The following ZBTB20 variants were observed in gnomAD, a reference collection of about 807,000 sequenced individuals.
ZBTB20 encodes the protein zinc finger and BTB domain-containing protein 20.
In ZBTB20, 9 loss-of-function variants were observed where a neutral mutation model predicts 56.9. The ratio of observed to expected loss-of-function variants is 0.16; its 90% CI spans 0.10 to 0.28. ZBTB20 has a LOEUF of 0.28. Among genes scored for constraint, ZBTB20 ranks in the 10% least tolerant of loss-of-function variants. The pLI is 1.00. For synonymous variants in ZBTB20, 417 were observed against 420.7 expected, an observed-to-expected ratio of 0.99 and a Z score of 0.11; for missense variants, 655 against 1,003.0, an observed-to-expected ratio of 0.65 and a Z score of 4.69.
intron 8 of ZBTB20, among the ~76,000 whole-genome samples, chr3:114,385,698 C>T (rs1248245668): frequency 6.6e-6 from 1 of 152,078 alleles, no homozygotes; most frequent in Non-Finnish European, 1.5e-5. Context: ...GAAATCCTGT[C>T]TCTACCAAAA....
chr3:114,814,513 T>C (rs1400407260), intron 4 of ZBTB20, among the ~76,000 whole-genome samples: 2 of 152,180 alleles, frequency 1.3e-5, no homozygotes, highest in Admixed American at 1.3e-4. Flanking sequence ...GTGGTGACTT[T>C]AGTTTTCTTC....
chr3:114,973,992 C>T (rs2077995480), intron 3 of ZBTB20, among the ~76,000 whole-genome samples: 1 of 150,042 alleles, frequency 6.7e-6, no homozygotes, highest in South Asian at 2.1e-4. Flanking sequence ...TTGTTACTGA[C>T]ATTCTGACTT....
At chr3:114,363,591 A>G (rs2082097041) in intron 10 of ZBTB20, among the ~76,000 whole-genome samples, 1 of 152,194 alleles carries the variant, frequency 6.6e-6, no homozygotes, top group African/African-American at 2.4e-5. Context: ...CTGTAAAACA[A>G]AGGTGTGTAT....
At chr3:114,402,994 G>A (rs1475689756) in intron 7 of ZBTB20, among the ~76,000 whole-genome samples, 1 of 152,002 alleles carries the variant, frequency 6.6e-6, no homozygotes, top group Non-Finnish European at 1.5e-5. Flanking sequence ...CATTTAAAAT[G>A]TAAAAGTGGA....
intron 5 of ZBTB20, among the ~76,000 whole-genome samples, chr3:114,752,178 A>G (rs970784885): frequency 2.6e-5 from 4 of 152,156 alleles, no homozygotes; most frequent in Non-Finnish European, 5.9e-5. Flanking sequence ...TAGAAATCCA[A>G]TAATTTGGTA....
At chr3:115,133,279 T>C (rs1205077511) in intron 1 of ZBTB20, among the ~76,000 whole-genome samples, 1 of 152,194 alleles carries the variant, frequency 6.6e-6, no homozygotes, top group South Asian at 2.1e-4. Flanking sequence ...GTCACACAGC[T>C]ACATTCTTAT....
intron 4 of ZBTB20, among the ~76,000 whole-genome samples, chr3:114,894,126 C>T (rs2074761421): frequency 6.8e-6 from 1 of 146,854 alleles, no homozygotes; most frequent in South Asian, 2.2e-4. Flanking sequence ...CATTTAAAAG[C>T]AGCACGGGAT....
chr3:114,780,556 C>T (rs745963806), intron 5 of ZBTB20, among the ~76,000 whole-genome samples: 10 of 152,228 alleles, frequency 6.6e-5, no homozygotes, highest in South Asian at 2.1e-4. Context: ...GGTGCGATCT[C>T]GGCTCACTGC....
chr3:114,329,021 T>C lies in ZBTB20; in HGVS notation c.*9984A>G, dbSNP rs2079149698. ...TAGAAATATATCTGCTGGAACACTT[T>C]GGAGAACAGATTGGTAATTTTGCCA... On this transcript the variant is annotated 3_prime_UTR_variant, in exon 12 of 12. Transcript: ENST00000675478. 6.6e-6 allele frequency: 1 copy of C among 152,200 alleles called. No homozygotes were observed. The highest frequency in any genetic ancestry group is 1.5e-5 in the Non-Finnish European group (1 of 68,030). 9.4% of individuals were successfully genotyped at this position (152,200 alleles called of 1,614,324 possible). A position where few individuals can be genotyped will look rare whatever the true frequency, so the allele number is the denominator to read the frequency against.
At chr3:114,594,826 T>C (rs1460193114) in intron 6 of ZBTB20, among the ~76,000 whole-genome samples, 1 of 152,164 alleles carries the variant, frequency 6.6e-6, no homozygotes, top group Non-Finnish European at 1.5e-5. Flanking sequence ...TTATGGTTAA[T>C]GCTGTGTATG....
chr3:114,570,034 A>G (rs754696937), intron 6 of ZBTB20, among the ~76,000 whole-genome samples: 43 of 137,490 alleles, frequency 3.1e-4, no homozygotes, highest in Non-Finnish European at 6.3e-4. Flanking sequence ...AAATATATGC[A>G]TTCAATTACG....
intron 7 of ZBTB20, among the ~76,000 whole-genome samples, chr3:114,394,138 C>T (rs1022815053): frequency 6.6e-6 from 1 of 152,194 alleles, no homozygotes; most frequent in African/African-American, 2.4e-5. Context: ...TTATCAGGGA[C>T]TGCACCAGGC....
intron 7 of ZBTB20, among the ~76,000 whole-genome samples, chr3:114,454,175 GGAGAGA>G (rs71146322): frequency 0.51 from 58,936 of 116,502 alleles, 15,003 homozygotes; most frequent in Non-Finnish European, 0.59. Context: ...AAAAGAGAAG[GGAGAGA>G]GAGAGAGAGA....
intron 6 of ZBTB20, among the ~76,000 whole-genome samples, chr3:114,693,278 T>C (rs1473385184): frequency 2.0e-5 from 3 of 152,150 alleles, no homozygotes; most frequent in African/African-American, 2.4e-5. Flanking sequence ...TCTGTGATAA[T>C]AGGTTCTGGA....
At chr3:114,685,649 G>T (rs937113964) in intron 6 of ZBTB20, among the ~76,000 whole-genome samples, 3 of 152,162 alleles carry the variant, frequency 2.0e-5, no homozygotes, top group African/African-American at 7.2e-5. Context: ...ATTTCTGATG[G>T]TGTTAATTAA....
chr3:114,718,388 G>A (rs1426089090), intron 5 of ZBTB20, among the ~76,000 whole-genome samples: 1 of 152,072 alleles, frequency 6.6e-6, no homozygotes, highest in Non-Finnish European at 1.5e-5. Flanking sequence ...AAGTCTACCA[G>A]TACTCCATCT....
intron 3 of ZBTB20, among the ~76,000 whole-genome samples, chr3:114,908,455 T>A (rs2107697177): frequency 6.6e-6 from 1 of 152,138 alleles, no homozygotes; most frequent in African/African-American, 2.4e-5. Context: ...GCAATAACTG[T>A]AATCACTGAG....
chr3:114,403,484 C>T (rs1209429585), intron 7 of ZBTB20, among the ~76,000 whole-genome samples: 5 of 152,044 alleles, frequency 3.3e-5, no homozygotes, highest in Admixed American at 1.3e-4. Context: ...TAAATCTGCT[C>T]TCACCTATTT....
At chr3:114,447,004 GGAAGA>G (rs1410638859) in intron 7 of ZBTB20, among the ~76,000 whole-genome samples, 22 of 152,146 alleles carry the variant, frequency 1.4e-4, no homozygotes, top group African/African-American at 5.1e-4. Flanking sequence ...CTTGGTACCA[GGAAGA>G]GACATGATCA....
Sources: allele counts gnomAD v4.1 joint callset (sites outside exome capture counted in the v4.1 genomes callset), GRCh38; gene constraint gnomAD v4.1.1; transcripts MANE v1.5; gene names NCBI Gene and HGNC (gene_info 2026-07-23, HGNC 2026-07-21).